TMOD2: variants seen among roughly 807,000 people sequenced by gnomAD.
TMOD2 encodes tropomodulin-2.
In TMOD2, 22 loss-of-function variants were observed where a neutral mutation model predicts 39.9. That is an observed-to-expected ratio of 0.55 (90% confidence interval 0.39 to 0.79). The LOEUF (loss-of-function observed/expected upper bound fraction) is 0.79, where lower values mean the gene tolerates loss of function less well. Ranked by LOEUF, TMOD2 falls within the 30% of genes least tolerant of loss-of-function variation. The pLI is 0.00. For missense variants in TMOD2, 386 were observed against 413.3 expected (o/e 0.93, Z 0.57); for synonymous variants, 123 against 146.1 (o/e 0.84, Z 1.14).
Position 51,811,867 on chromosome 15 carries a change from A to T in TMOD2, c.*3413A>T, listed in dbSNP as rs1489098833. On this transcript the variant is annotated 3_prime_UTR_variant, in exon 10 of 10. Transcript: ENST00000249700. ...ACCACATTTTATAGCTATGTAGAGG[A>T]TGACTCTTAGGAAATAAATATTAGA... The T allele has an allele frequency of 6.6e-6, 1 of 152,074 alleles. No individual in the cohort carries two copies. Among genetic ancestry groups the T allele is most frequent in the Admixed American group, 6.6e-5 (1 of 15,258 alleles). 9.4% of individuals were successfully genotyped at this position (152,074 alleles called of 1,614,324 possible).
intron 8 of TMOD2, among the ~76,000 whole-genome samples, chr15:51,798,843 C>T (rs1008680429): frequency 3.9e-5 from 6 of 152,204 alleles, no homozygotes; most frequent in Admixed American, 3.3e-4. Flanking sequence ...ATGCTGGCTG[C>T]AGAGAGCCTA....
chr15:51,776,667 G>T (rs561036255), intron 4 of TMOD2, among the ~76,000 whole-genome samples: 3 of 152,114 alleles, frequency 2.0e-5, no homozygotes, highest in Non-Finnish European at 4.4e-5. Context: ...TCGGTAAATT[G>T]TGGCCATAAT....
Position 51,773,699 on chromosome 15 carries a change from T to C in TMOD2, c.284-13T>C, listed in dbSNP as rs1345454972. On this transcript the variant is annotated splice_polypyrimidine_tract_variant and intron_variant, in intron 3 of 9. Coordinates refer to ENST00000249700, the MANE Select transcript of TMOD2 (RefSeq NM_014548.4). ...GTAGTACTCAATATTTTTGTTTTTCTTCTGATTTAAAGGGAGAGTCTTTAT... is the reference window on the plus strand; with the variant it reads ...GTAGTACTCAATATTTTTGTTTTTCCTCTGATTTAAAGGGAGAGTCTTTAT... The C allele has an allele frequency of 5.0e-6, 8 of 1,594,312 alleles. No individual in the cohort carries two copies. The highest frequency in any genetic ancestry group is 6.8e-6 in the Non-Finnish European group (8 of 1,174,022).
At chr15:51,798,678 ATC>A (rs1206070280) in intron 8 of TMOD2, among the ~76,000 whole-genome samples, 2 of 152,170 alleles carry the variant, frequency 1.3e-5, no homozygotes, top group African/African-American at 4.8e-5. Context: ...TTTGGCATGT[ATC>A]TCTTCCCTGT....
At chr15:51,753,758 GAAAA>G (rs527755218) in intron 1 of TMOD2, among the ~76,000 whole-genome samples, 4 of 123,184 alleles carry the variant, frequency 3.2e-5, no homozygotes, top group Non-Finnish European at 7.0e-5. Context: ...AGCTGTGTCA[GAAAA>G]AAAAAAAAAA....
At position 51,813,341 on chromosome 15, in the gene TMOD2, G is replaced by C. The variant is rs1481490748; in HGVS notation, c.*4887G>C. 1 of 152,210 alleles carries C rather than the reference G, an allele frequency of 6.6e-6. No individual in the cohort carries two copies. The highest frequency in any genetic ancestry group is 1.5e-5 in the Non-Finnish European group (1 of 68,050). The allele number at this position is 152,210 out of a possible 1,614,324, so 9.4% of individuals were successfully genotyped here. A position where few individuals can be genotyped will look rare whatever the true frequency, so the allele number is the denominator to read the frequency against. On this transcript the variant is annotated 3_prime_UTR_variant, in exon 10 of 10. Transcript: ENST00000249700. ...CTCTGGGTTCTGTTCTAGGAATAGTGCATGTTTTAGAGGCTTTGCCAGTTG... is the reference window on the plus strand; with the variant it reads ...CTCTGGGTTCTGTTCTAGGAATAGTCCATGTTTTAGAGGCTTTGCCAGTTG...
In TMOD2 at chr15:51,798,342, T is replaced by G; in HGVS notation, c.876+2T>G. On this transcript the variant is annotated splice_donor_variant, in intron 8 of 9. Transcript: ENST00000249700. LOFTEE classifies it high-confidence loss of function. The stretch of plus-strand genomic sequence containing the variant: ...ACAGAAATCAAGATTGACAACCAGG[T>G]AAGGAAGGCCAGAGAATAGGCAAAG... 1 of 1,612,912 alleles carries G rather than the reference T, an allele frequency of 6.2e-7. No individual in the cohort carries two copies. The highest frequency in any genetic ancestry group is 1.1e-5 in the South Asian group (1 of 90,828).
chr15:51,789,186 TA>T (rs1045809173), intron 7 of TMOD2, among the ~76,000 whole-genome samples: 1 of 151,170 alleles, frequency 6.6e-6, no homozygotes, highest in East Asian at 1.9e-4. Flanking sequence ...AAATGGAAAG[TA>T]AAAAAAAGCA....
rs189647767 is a variant in TMOD2 at position 51,808,559 on chromosome 15, G to A, written c.*105G>A. The A allele has an allele frequency of 6.7e-5, 53 of 794,194 alleles. 1 individual carries two copies. The East Asian group carries it at 7.0e-4, about 11-fold the overall frequency. The allele number at this position is 794,194 out of a possible 1,614,324, so 49.2% of individuals were successfully genotyped here. On this transcript the variant is annotated 3_prime_UTR_variant, in exon 10 of 10. Transcript: ENST00000249700. ...ATTTTATCAAAGTTCGTTCATTTCC[G>A]TTAACCACATAACTAATAATTTAAT...
chr15:51,787,191 G>A (rs1194144958), intron 7 of TMOD2, among the ~76,000 whole-genome samples: 4 of 152,346 alleles, frequency 2.6e-5, no homozygotes, highest in Admixed American at 1.3e-4. Flanking sequence ...TGCCTGGCTT[G>A]GCAGGTCCCA....
intron 4 of TMOD2, among the ~76,000 whole-genome samples, chr15:51,775,563 CTTTTTCCTT>C (rs2055881107): frequency 3.1e-5 from 3 of 96,512 alleles, no homozygotes; most frequent in African/African-American, 7.7e-5. Context: ...GTGACAAATT[CTTTTTCCTT>C]TTTTTTTTTT....
At chr15:51,804,370 A>G (rs552634664) in intron 8 of TMOD2, among the ~76,000 whole-genome samples, 2 of 152,352 alleles carry the variant, frequency 1.3e-5, no homozygotes, top group Non-Finnish European at 2.9e-5. Context: ...AGTATAATCC[A>G]TTAATGTGAA....
At chr15:51,801,750 C>T (rs1469827303) in intron 8 of TMOD2, among the ~76,000 whole-genome samples, 1 of 152,036 alleles carries the variant, frequency 6.6e-6, no homozygotes, top group Non-Finnish European at 1.5e-5. Context: ...ACACAGAAGG[C>T]GATTTGAAGA....
chr15:51,794,727 T>C (rs2056036273), intron 7 of TMOD2, among the ~76,000 whole-genome samples: 1 of 152,192 alleles, frequency 6.6e-6, no homozygotes, highest in Non-Finnish European at 1.5e-5. Context: ...AAACCAGTAA[T>C]ATACAGAAAT....
At chr15:51,780,619 T>A (rs1394253335) in intron 5 of TMOD2, among the ~76,000 whole-genome samples, 1 of 151,970 alleles carries the variant, frequency 6.6e-6, no homozygotes, top group Non-Finnish European at 1.5e-5. Context: ...CAGAGGAGGG[T>A]AGGGTATAAT....
chr15:51,805,750 C>T (rs945689021), intron 8 of TMOD2, among the ~76,000 whole-genome samples: 12 of 151,872 alleles, frequency 7.9e-5, no homozygotes, highest in African/African-American at 1.7e-4. Context: ...TCTCATGTAC[C>T]CCATAAATAT....
At chr15:51,782,330 T>C (rs1247630869) in intron 6 of TMOD2, among the ~76,000 whole-genome samples, 1 of 152,148 alleles carries the variant, frequency 6.6e-6, no homozygotes, top group African/African-American at 2.4e-5. Context: ...CAAAAGGAAT[T>C]TCCAGGCTAA....
intron 4 of TMOD2, among the ~76,000 whole-genome samples, chr15:51,776,658 C>T (rs1286228601): frequency 6.6e-6 from 1 of 152,124 alleles, no homozygotes; most frequent in Non-Finnish European, 1.5e-5. Flanking sequence ...GGCAGATTTT[C>T]GGTAAATTGT....
chr15:51,798,106 T>C lies in TMOD2; in HGVS notation c.733-91T>C, dbSNP rs888357238. On this transcript the variant is annotated intron_variant, in intron 7 of 9. Transcript: ENST00000249700. ...GGTTTTCTTTAAGTGCTAGAAAACATCTGTATTTAATTTGGGAGTGAGGGG... is the reference window on the plus strand; with the variant it reads ...GGTTTTCTTTAAGTGCTAGAAAACACCTGTATTTAATTTGGGAGTGAGGGG... The C allele has an allele frequency of 8.0e-6, 9 of 1,129,100 alleles. No individual in the cohort carries two copies. The African/African-American group carries it at 1.4e-4, about 18-fold the overall frequency. The allele number at this position is 1,129,100 out of a possible 1,614,324, so 69.9% of individuals were successfully genotyped here.
Sources: allele counts gnomAD v4.1 joint callset (sites outside exome capture counted in the v4.1 genomes callset), GRCh38; gene constraint gnomAD v4.1.1; transcripts MANE v1.5; gene names NCBI Gene and HGNC (gene_info 2026-07-23, HGNC 2026-07-21).